TMEM164: variants seen among roughly 807,000 people sequenced by gnomAD.
The protein encoded by TMEM164 is transmembrane protein 164, also known as RP13-360B22.2.
A neutral mutation model predicts 18.8 loss-of-function variants in TMEM164; 4 were observed. The observed-to-expected ratio is 0.21, with a 90% CI of 0.10 to 0.49. The LOEUF is 0.49. Among genes scored for constraint, TMEM164 ranks in the 20% least tolerant of loss-of-function variants. The probability of loss-of-function intolerance (pLI) is 0.98; values close to 1 mark genes in which losing one functional copy is unlikely to be tolerated. For missense variants in TMEM164, 108 were observed against 239.9 expected, an observed-to-expected ratio of 0.45 and a Z score of 3.63; for synonymous variants, 86 against 101.7, an observed-to-expected ratio of 0.85 and a Z score of 0.93.
At chrX:110,155,191 T>A (rs1279082794) in intron 5 of TMEM164, among the ~76,000 whole-genome samples, 1 of 111,113 alleles carries the variant, frequency 9.0e-6, no homozygotes, top group African/African-American at 3.3e-5. Context: ...TCCTCCCTCC[T>A]TTGAGACACT....
At chrX:110,032,101 G>C (rs1934542826) in intron 2 of TMEM164, among the ~76,000 whole-genome samples, 1 of 111,294 alleles carries the variant, frequency 9.0e-6, no homozygotes, top group African/African-American at 3.3e-5. Context: ...AAAGGTCAGG[G>C]GTTGAAGGAA....
At chrX:110,105,689 C>G (rs185983370) in intron 3 of TMEM164, among the ~76,000 whole-genome samples, 32 of 98,204 alleles carry the variant, frequency 3.3e-4, no homozygotes, top group Middle Eastern at 0.01. Flanking sequence ...GACACACACA[C>G]ACACACACAC....
chrX:110,092,538 G>A (rs1212981476), intron 3 of TMEM164, among the ~76,000 whole-genome samples: 1 of 111,926 alleles, frequency 8.9e-6, no homozygotes, highest in Non-Finnish European at 1.9e-5. Context: ...AAGAATGCTT[G>A]TGATTTTTGC....
At chrX:110,019,710 CT>C (rs1418119344) in intron 2 of TMEM164, among the ~76,000 whole-genome samples, 5 of 112,135 alleles carry the variant, frequency 4.5e-5, no homozygotes, top group Non-Finnish European at 9.4e-5. Context: ...GATTTAAAAT[CT>C]GTTTAGCATA....
intron 4 of TMEM164, among the ~76,000 whole-genome samples, chrX:110,136,773 C>T (rs2066697248): frequency 8.9e-6 from 1 of 111,853 alleles, no homozygotes; most frequent in Non-Finnish European, 1.9e-5. Flanking sequence ...CACCTGCTTC[C>T]AGTCCTCTCG....
chrX:110,062,166 G>A (rs1007991256), intron 2 of TMEM164, among the ~76,000 whole-genome samples: 1 of 111,696 alleles, frequency 9.0e-6, no homozygotes, highest in Non-Finnish European at 1.9e-5. Flanking sequence ...AAAATTTTTT[G>A]CAATAAATTT....
chrX:110,094,685 G>T (rs1321481540), intron 3 of TMEM164, among the ~76,000 whole-genome samples: 1 of 111,358 alleles, frequency 9.0e-6, no homozygotes. Context: ...TACATTTAAG[G>T]TCAATATGGT....
At chrX:110,004,847 T>C (rs1932591505) in intron 2 of TMEM164, among the ~76,000 whole-genome samples, 1 of 112,161 alleles carries the variant, frequency 8.9e-6, no homozygotes, top group African/African-American at 3.2e-5. Context: ...CCTATTACTG[T>C]CATTCTGTCT....
chrX:110,076,903 G>A (rs190080590), intron 3 of TMEM164, among the ~76,000 whole-genome samples: 2 of 112,015 alleles, frequency 1.8e-5, no homozygotes, highest in African/African-American at 3.2e-5. Flanking sequence ...AGTATGTTCC[G>A]TGTGCAGATG....
chrX:110,135,237 T>TAA (rs59248499), intron 4 of TMEM164, among the ~76,000 whole-genome samples: 5 of 100,466 alleles, frequency 5.0e-5, no homozygotes, highest in South Asian at 4.3e-4. Flanking sequence ...CCTTTTCTTC[T>TAA]AAAAAAAAAA....
chrX:110,111,201 T>C (rs1303789593), intron 4 of TMEM164, among the ~76,000 whole-genome samples: 1 of 112,359 alleles, frequency 8.9e-6, no homozygotes, highest in Non-Finnish European at 1.9e-5. Context: ...TGGTGGACTG[T>C]AGAATCAGAA....
At chrX:110,067,257 G>C in intron 2 of TMEM164, 90 bp from the exon 3 acceptor site, 2 of 899,474 alleles carry the variant, frequency 2.2e-6, no homozygotes, top group South Asian at 2.1e-5. Context: ...TTAGAGTTTT[G>C]GTTATTTTTT....
At chrX:110,074,228 T>C (rs944800500) in intron 3 of TMEM164, among the ~76,000 whole-genome samples, 7 of 111,885 alleles carry the variant, frequency 6.3e-5, no homozygotes, top group South Asian at 3.7e-4. Context: ...GATTTTTTCA[T>C]GTGCTTGTTG....
intron 3 of TMEM164, among the ~76,000 whole-genome samples, chrX:110,099,194 A>G (rs895108308): frequency 2.7e-5 from 3 of 110,692 alleles, no homozygotes; most frequent in African/African-American, 9.8e-5. Context: ...ATTTTATCCC[A>G]TGTTATATGT....
intron 2 of TMEM164, among the ~76,000 whole-genome samples, chrX:110,021,408 C>T (rs1000439798): frequency 1.2e-4 from 13 of 110,838 alleles, no homozygotes; most frequent in African/African-American, 3.6e-4. Context: ...ACCCCATTGC[C>T]AGGAAGTTCA....
downstream of TMEM164, among the ~76,000 whole-genome samples, chrX:110,178,337 G>C (rs1602759329): frequency 8.9e-6 from 1 of 112,392 alleles, no homozygotes; most frequent in East Asian, 2.8e-4. Context: ...TTCTGGAGAG[G>C]AGAGGTAGCC....
intron 4 of TMEM164, among the ~76,000 whole-genome samples, chrX:110,115,759 A>G (rs928440863): frequency 8.9e-6 from 1 of 111,847 alleles, no homozygotes; most frequent in Non-Finnish European, 1.9e-5. Context: ...TAAATGCCTG[A>G]AAAGTTATGG....
chrX:110,149,320 T>C (rs1271527340), intron 5 of TMEM164, among the ~76,000 whole-genome samples: 1 of 111,809 alleles, frequency 8.9e-6, no homozygotes, highest in Non-Finnish European at 1.9e-5. Context: ...CCTCAGACCA[T>C]TTACTCTGAT....
At chrX:110,117,378 T>C (rs936951470) in intron 4 of TMEM164, among the ~76,000 whole-genome samples, 2 of 112,768 alleles carry the variant, frequency 1.8e-5, no homozygotes, top group East Asian at 5.5e-4. Flanking sequence ...TTAATTTTAC[T>C]TTTAGGATTT....
Sources: allele counts gnomAD v4.1 joint callset (sites outside exome capture counted in the v4.1 genomes callset), GRCh38; gene constraint gnomAD v4.1.1; transcripts MANE v1.5; gene names NCBI Gene and HGNC (gene_info 2026-07-23, HGNC 2026-07-21).